The following KANTR variants were observed in gnomAD, a reference collection of about 807,000 sequenced individuals.
KANTR encodes the protein KANTR integral membrane protein.
At chrX:53,122,079 G>T (rs1304101177) in intron 2 of KANTR, among the ~76,000 whole-genome samples, 2 of 112,312 alleles carry the variant, frequency 1.8e-5, no homozygotes, top group Non-Finnish European at 3.8e-5. Flanking sequence ...ACTTATATCA[G>T]TATGAACTCA....
chrX:53,099,797 C>T (rs1230765000), intron 2 of KANTR, among the ~76,000 whole-genome samples, 189 bp downstream of exon 2: 2 of 112,281 alleles, frequency 1.8e-5, no homozygotes, highest in Non-Finnish European at 3.8e-5. Flanking sequence ...CATGAATCTC[C>T]TTGTACATCT....
Position 53,115,409 on chromosome X carries a change from G to T in KANTR, c.-804-8060G>T, listed in dbSNP as rs782175276. ...GGCCGGGGGGGCCAGCCCCATGCTG[G>T]GGATGGTCTGGGACCCACGGCCACC... On this transcript the variant is annotated intron_variant, in intron 2 of 2. Transcript: ENST00000604062. Among the ~76,000 whole-genome samples the T allele has an allele frequency of 2.3e-3, 262 of 112,096 alleles. 1 individual carries two copies. Among genetic ancestry groups the T allele is most frequent in the African/African-American group, 7.6e-3 (236 of 30,934 alleles).
At chrX:53,147,237 GAC>G (rs1488557456), downstream of KANTR, among the ~76,000 whole-genome samples, 3 of 111,653 alleles carry the variant, frequency 2.7e-5, no homozygotes, top group African/African-American at 6.5e-5. Flanking sequence ...CACCTGCAGA[GAC>G]ACACATAGGC....
At chrX:53,116,445 T>G (rs181655403) in intron 2 of KANTR, among the ~76,000 whole-genome samples, 1 of 112,199 alleles carries the variant, frequency 8.9e-6, no homozygotes, top group Non-Finnish European at 1.9e-5. Context: ...GCCCTTTAGA[T>G]CCCTAGGAAT....
chrX:53,139,870 G>A (rs1933478259), intron 2 of KANTR, among the ~76,000 whole-genome samples: 1 of 110,885 alleles, frequency 9.0e-6, no homozygotes. Flanking sequence ...GGAAGGGGGA[G>A]GAGGAAGGGG....
intron 2 of KANTR, among the ~76,000 whole-genome samples, chrX:53,141,509 C>A (rs782487253): frequency 1.8e-5 from 2 of 111,563 alleles, no homozygotes; most frequent in Admixed American, 9.6e-5. Context: ...TTATTAGGTG[C>A]TGCTTTAAAG....
At chrX:53,137,194 G>C (rs1261380059) in intron 2 of KANTR, among the ~76,000 whole-genome samples, 3 of 111,150 alleles carry the variant, frequency 2.7e-5, no homozygotes, top group Non-Finnish European at 5.7e-5. Flanking sequence ...CATATGATTG[G>C]AATTAACTAT....
At chrX:53,122,390 A>G (rs2146743824) in intron 2 of KANTR, among the ~76,000 whole-genome samples, 1 of 112,230 alleles carries the variant, frequency 8.9e-6, no homozygotes, top group East Asian at 2.8e-4. Flanking sequence ...CATATCAGCT[A>G]TAAATAATGA....
intron 2 of KANTR, among the ~76,000 whole-genome samples, chrX:53,136,121 C>T (rs1444731540): frequency 1.8e-5 from 2 of 112,260 alleles, no homozygotes; most frequent in African/African-American, 6.5e-5. Context: ...CTCTGTGAAT[C>T]CAGTTCAGGC....
At chrX:53,127,701 T>TA (rs1399276497), downstream of KANTR, among the ~76,000 whole-genome samples, 1 of 111,626 alleles carries the variant, frequency 9.0e-6, no homozygotes, top group Non-Finnish European at 1.9e-5. Flanking sequence ...GCCTGCCTCT[T>TA]ACTCAAATAG....
At chrX:53,125,336 A>T (rs1339847481) in exon 3 of KANTR, 1 of 111,286 alleles carries the variant, frequency 9.0e-6, no homozygotes, top group Non-Finnish European at 1.9e-5. Context: ...TGGACCTTTT[A>T]AAAAATCTAA....
At chrX:53,098,651 T>G (rs1932864983) in intron 1 of KANTR, among the ~76,000 whole-genome samples, 1 of 112,052 alleles carries the variant, frequency 8.9e-6, no homozygotes, top group Admixed American at 9.5e-5. Flanking sequence ...CACAGCATCT[T>G]CACCAGGAGT....
At chrX:53,142,902 G>T (rs1474293462), downstream of KANTR, 8 of 592,591 alleles carry the variant, frequency 1.3e-5, no homozygotes, top group Non-Finnish European at 2.3e-5. Flanking sequence ...TGGACAGTGA[G>T]GCCAGGATGG....
At chrX:53,143,469 T>C, downstream of KANTR, 1 of 591,253 alleles carries the variant, frequency 1.7e-6, no homozygotes, top group Non-Finnish European at 3.0e-6. Context: ...ACAGTGCCAG[T>C]GATGCGCCCA....
At chrX:53,097,372 A>G (rs1464478787) in intron 1 of KANTR, among the ~76,000 whole-genome samples, 7 of 12,364 alleles carry the variant, frequency 5.7e-4, no homozygotes, top group Non-Finnish European at 2.3e-3. Flanking sequence ...TTTTTTTTTG[A>G]GACAGAATCT....
chrX:53,147,767 C>G (rs1363378767), intron 3 of KANTR, among the ~76,000 whole-genome samples: 6 of 111,636 alleles, frequency 5.4e-5, no homozygotes, highest in Non-Finnish European at 7.5e-5. Flanking sequence ...AACAAACTGT[C>G]TCTCAGACCA....
At chrX:53,143,581 G>A, downstream of KANTR, 1 of 635,236 alleles carries the variant, frequency 1.6e-6, no homozygotes, top group Non-Finnish European at 2.7e-6. Flanking sequence ...TGGCCTTGGG[G>A]TTCGAGGGGC....
chrX:53,146,895 T>A (rs1933584348), downstream of KANTR, among the ~76,000 whole-genome samples: 1 of 111,154 alleles, frequency 9.0e-6, no homozygotes, highest in Admixed American at 9.6e-5. Context: ...AGAAATAAAA[T>A]CCTTTACAGA....
chrX:53,142,956 G>T, downstream of KANTR: 1 of 894,773 alleles, frequency 1.1e-6, no homozygotes, highest in Non-Finnish European at 1.6e-6. Context: ...GGGGCATGAT[G>T]AACTTGATCT....
Sources: allele counts gnomAD v4.1 joint callset (sites outside exome capture counted in the v4.1 genomes callset), GRCh38; gene constraint gnomAD v4.1.1; transcripts MANE v1.5; gene names NCBI Gene and HGNC (gene_info 2026-07-23, HGNC 2026-07-21).